DRC8: variants seen among roughly 807,000 people sequenced by gnomAD.
DRC8 encodes the protein dynein regulatory complex subunit 8, also known as dynein regulatory complex protein 8.
the DRC8 span, among the ~76,000 whole-genome samples, chr1:245,044,839 C>T: frequency 6.6e-6 from 1 of 151,858 alleles, no homozygotes; most frequent in African/African-American, 2.4e-5. Context: ...CTCGGTACCC[C>T]CTCCCCCGAC....
At chr1:245,096,392 GCTT>G in the DRC8 span, among the ~76,000 whole-genome samples, 1 of 152,244 alleles carries the variant, frequency 6.6e-6, no homozygotes, top group Non-Finnish European at 1.5e-5. Context: ...CAAAATGCCA[GCTT>G]CTTAGGCTGT....
chr1:245,115,360 T>C, the DRC8 span, among the ~76,000 whole-genome samples: 2 of 152,220 alleles, frequency 1.3e-5, no homozygotes, highest in South Asian at 2.1e-4. Flanking sequence ...AAGTTACTTA[T>C]TTAAAAAAAT....
chr1:245,014,622 C>T, the DRC8 span, among the ~76,000 whole-genome samples: 3 of 145,264 alleles, frequency 2.1e-5, no homozygotes, highest in South Asian at 4.3e-4. Flanking sequence ...AGATTTTATA[C>T]TGTAAGTACT....
chr1:244,970,004 C>G, the DRC8 span: 1 of 542,468 alleles, frequency 1.8e-6, no homozygotes, highest in Admixed American at 4.1e-5. Flanking sequence ...AAAAATCGAG[C>G]AACGCCACGT....
the DRC8 span, among the ~76,000 whole-genome samples, chr1:244,998,233 A>G: frequency 6.6e-6 from 1 of 151,928 alleles, no homozygotes; most frequent in Admixed American, 6.6e-5. Context: ...TTTTGAGACC[A>G]GGTCTTGCTT....
the DRC8 span, among the ~76,000 whole-genome samples, chr1:244,972,848 G>A: frequency 1.3e-5 from 2 of 151,408 alleles, no homozygotes; most frequent in Non-Finnish European, 2.9e-5. Flanking sequence ...AAAAAACAAA[G>A]TTCGAGAAGC....
At chr1:244,975,423 C>A in the DRC8 span, among the ~76,000 whole-genome samples, 1 of 152,202 alleles carries the variant, frequency 6.6e-6, no homozygotes. Flanking sequence ...ATTATCTGAT[C>A]TTAGCCGAGA....
At chr1:245,057,639 CTT>C in the DRC8 span, among the ~76,000 whole-genome samples, 1 of 144,580 alleles carries the variant, frequency 6.9e-6, no homozygotes, top group Non-Finnish European at 1.5e-5. Flanking sequence ...CTTCAAAAAT[CTT>C]TTTTTTTTTT....
chr1:245,115,948 G>C, the DRC8 span, among the ~76,000 whole-genome samples: 1 of 151,134 alleles, frequency 6.6e-6, no homozygotes, highest in African/African-American at 2.4e-5. Context: ...GTGCAGTGGC[G>C]TGATCTCAGG....
chr1:245,026,036 C>T, the DRC8 span, among the ~76,000 whole-genome samples: 2 of 152,186 alleles, frequency 1.3e-5, no homozygotes. Flanking sequence ...GACTAGTACA[C>T]TGTGTTTACT....
the DRC8 span, chr1:245,002,085 T>C: frequency 6.6e-7 from 1 of 1,526,150 alleles, no homozygotes; most frequent in Non-Finnish European, 8.9e-7. Flanking sequence ...TTTTTATTGA[T>C]CACCAAGTAC....
chr1:244,975,730 C>T, the DRC8 span, among the ~76,000 whole-genome samples: 5 of 151,828 alleles, frequency 3.3e-5, no homozygotes, highest in South Asian at 4.2e-4. Flanking sequence ...TGTGGTGGCG[C>T]GTGCCTGTAA....
At chr1:245,026,933 G>A in the DRC8 span, among the ~76,000 whole-genome samples, 2 of 152,132 alleles carry the variant, frequency 1.3e-5, no homozygotes, top group African/African-American at 4.8e-5. Flanking sequence ...ATGAGGAGTG[G>A]AATGTTAGCT....
chr1:244,970,781 C>G, the DRC8 span: 1 of 359,718 alleles, frequency 2.8e-6, no homozygotes, highest in Non-Finnish European at 4.9e-6. Flanking sequence ...GCCCCGTCCT[C>G]CTTCCCCCTC....
At chr1:245,008,492 C>T in the DRC8 span, among the ~76,000 whole-genome samples, 1 of 152,126 alleles carries the variant, frequency 6.6e-6, no homozygotes, top group South Asian at 2.1e-4. Flanking sequence ...AATAGTTGTA[C>T]TCAATTCCTG....
At chr1:245,118,474 C>T in the DRC8 span, among the ~76,000 whole-genome samples, 94,115 of 152,020 alleles carry the variant, frequency 0.62, 30,755 homozygotes, top group East Asian at 0.86. Flanking sequence ...AAACCTTTAT[C>T]GGGAAGATAC....
At chr1:244,971,073 A>G in the DRC8 span, 6 of 154,550 alleles carry the variant, frequency 3.9e-5, no homozygotes, top group African/African-American at 1.2e-4. Context: ...CGCGGCCACC[A>G]TTTTGCCTCC....
chr1:245,012,174 TA>T, the DRC8 span, among the ~76,000 whole-genome samples: 3 of 152,198 alleles, frequency 2.0e-5, no homozygotes, highest in Admixed American at 2.0e-4. Flanking sequence ...GCACACTTTT[TA>T]AAATATGCAA....
chr1:245,101,102 C>T, the DRC8 span, among the ~76,000 whole-genome samples: 1 of 152,300 alleles, frequency 6.6e-6, no homozygotes, highest in South Asian at 2.1e-4. Flanking sequence ...CCAGGCTGGT[C>T]TCGAACTCCT....
Sources: allele counts gnomAD v4.1 joint callset (sites outside exome capture counted in the v4.1 genomes callset), GRCh38; gene constraint gnomAD v4.1.1; transcripts MANE v1.5; gene names NCBI Gene and HGNC (gene_info 2026-07-23, HGNC 2026-07-21).